Variants in PHC2 observed in about 807,000 individuals in gnomAD.
PHC2 encodes polyhomeotic-like protein 2.
Under a neutral mutation model 87.4 loss-of-function variants are expected in PHC2, and 29 were observed. The ratio of observed to expected loss-of-function variants is 0.33; its 90% CI spans 0.25 to 0.45. The LOEUF (loss-of-function observed/expected upper bound fraction) is 0.45, where lower values mean the gene tolerates loss of function less well. Among genes scored for constraint, PHC2 ranks in the 20% least tolerant of loss-of-function variants. PHC2 has a pLI of 1.00. For missense variants in PHC2, 857 were observed against 1,136.7 expected, an observed-to-expected ratio of 0.75 and a Z score of 3.54; for synonymous variants, 438 against 461.7, an observed-to-expected ratio of 0.95 and a Z score of 0.66.
intron 1 of PHC2, among the ~76,000 whole-genome samples, chr1:33,385,139 G>C (rs971847065): frequency 2.6e-5 from 4 of 152,164 alleles, no homozygotes; most frequent in Admixed American, 1.3e-4. Flanking sequence ...ATGGGTGTGG[G>C]ACTGTGGTCA....
At chr1:33,342,962 A>G (rs1646773413) in intron 9 of PHC2, among the ~76,000 whole-genome samples, 1 of 152,114 alleles carries the variant, frequency 6.6e-6, no homozygotes, top group African/African-American at 2.4e-5. Context: ...CCAGACCTGG[A>G]CTCATATTCT....
intron 1 of PHC2, among the ~76,000 whole-genome samples, chr1:33,428,059 G>A (rs779059364): frequency 6.6e-6 from 1 of 151,990 alleles, no homozygotes; most frequent in African/African-American, 2.4e-5. Context: ...TCTCAAAAAG[G>A]TACTAAATGA....
chr1:33,349,807 C>T lies in PHC2; in HGVS notation c.1558+4594G>A, dbSNP rs1454711865. On this transcript the variant is annotated intron_variant, in intron 9 of 14. Transcript: ENST00000683057. The surrounding 1 kb of genome is among the most constrained non-coding windows in gnomAD (Gnocchi z 4.2). ...CCGGGGCGCGAGGCCGGGACGGGGGCGCGAGGCCGGGGCGGGAGCGCGGGC... is the reference window on the plus strand; with the variant it reads ...CCGGGGCGCGAGGCCGGGACGGGGGTGCGAGGCCGGGGCGGGAGCGCGGGC... The T allele has an allele frequency of 1.0e-6, 1 of 977,264 alleles. No individual in the cohort carries two copies. The highest frequency in any genetic ancestry group is 1.2e-4 in the East Asian group (1 of 8,636). The allele number at this position is 977,264 out of a possible 1,614,324, so 60.5% of individuals were successfully genotyped here. A position where few individuals can be genotyped will look rare whatever the true frequency, so the allele number is the denominator to read the frequency against.
In PHC2 at chr1:33,331,952, T is replaced by A. The variant is rs1276867117; in HGVS notation, c.1891+323A>T. On this transcript the variant is annotated intron_variant, in intron 11 of 14. Coordinates refer to ENST00000683057, the MANE Select transcript of PHC2 (RefSeq NM_001385109.1). The surrounding 1 kb of genome is among the most constrained non-coding windows in gnomAD (Gnocchi z 5.2). ...TGCTGTGACCTAGAGCTGGCCCCAG[T>A]CTCAAGGCAGGGACGAAGGGCAGGA... 6.6e-6 allele frequency among the ~76,000 whole-genome samples: 1 copy of A among 152,124 alleles called. No homozygotes were observed. The highest frequency in any genetic ancestry group is 6.5e-5 in the Admixed American group (1 of 15,272).
intron 3 of PHC2, 101 bp from the exon 4 acceptor site, chr1:33,371,195 C>A: frequency 1.0e-6 from 1 of 957,208 alleles, no homozygotes; most frequent in Non-Finnish European, 1.7e-6. Context: ...GTGTTAAGGA[C>A]AACAGCCTCT....
Position 33,324,817 on chromosome 1 carries a change from T to C in PHC2, c.*48A>G, listed in dbSNP as rs369725555. ...CTCAGGAATGTCTGTCTGGCTCTGC[T>C]CAGTCGGGAGGAGGCGCCCTGGGCC... On this transcript the variant is annotated 3_prime_UTR_variant, in exon 15 of 15. Coordinates refer to ENST00000683057, the MANE Select transcript of PHC2 (RefSeq NM_001385109.1). The C allele has an allele frequency of 1.9e-6, 3 of 1,567,724 alleles. No individual in the cohort carries two copies. In the African/African-American group the frequency reaches 4.1e-5, roughly 21 times the overall value.
At chr1:33,384,591 T>C (rs1243816622) in intron 1 of PHC2, among the ~76,000 whole-genome samples, 1 of 152,214 alleles carries the variant, frequency 6.6e-6, no homozygotes, top group Non-Finnish European at 1.5e-5. Context: ...ATTAGTCATA[T>C]GCTGTCTCAC....
chr1:33,354,983 T>TTG lies in PHC2; in HGVS notation c.1245_1246dup (p.Lys416ThrfsTer115). On this transcript the variant is annotated frameshift_variant, in exon 8 of 15. Coordinates refer to ENST00000683057, the MANE Select transcript of PHC2 (RefSeq NM_001385109.1). LOFTEE classifies it high-confidence loss of function. ...GTGACACTGCTGACTGCCGCCAGGC[T>TTG]TGTGCAGGTTGGCAGTGGGACACTG... 17 of 1,614,176 alleles carry TTG rather than the reference T, an allele frequency of 1.1e-5. No individual in the cohort carries two copies. The highest frequency in any genetic ancestry group is 1.4e-5 in the Non-Finnish European group (17 of 1,180,038).
intron 1 of PHC2, among the ~76,000 whole-genome samples, chr1:33,395,359 AC>A (rs1311171640): frequency 6.6e-6 from 1 of 152,136 alleles, no homozygotes; most frequent in Admixed American, 6.6e-5. Context: ...AGGGATTTGT[AC>A]TATATCAATG....
rs74067010 is a variant in PHC2, at chr1:33,349,269, C to G, written c.1558+5132G>C. 1,833 of 985,216 alleles carry G rather than the reference C, an allele frequency of 1.9e-3. 25 individuals carry two copies. The African/African-American group carries it at 0.03, about 16-fold the overall frequency. The allele number at this position is 985,216 out of a possible 1,614,324, so 61.0% of individuals were successfully genotyped here. On this transcript the variant is annotated intron_variant, in intron 9 of 14. Transcript: ENST00000683057. This position sits in a 1 kb window ranked among gnomAD's most constrained non-coding sequence, Gnocchi z 4.2. ...CAGTCTCGTCCCCGAACGCACCGTC[C>G]GTCCCAGGGAAGTCGCAGCGGCGGG...
At chr1:33,347,482 T>C (rs1646865702) in intron 9 of PHC2, 1 of 983,004 alleles carries the variant, frequency 1.0e-6, no homozygotes, top group Non-Finnish European at 1.2e-6. Flanking sequence ...TGGGAGAGAG[T>C]GGAAAGGGCC....
intron 1 of PHC2, among the ~76,000 whole-genome samples, chr1:33,416,200 T>C (rs1007239331): frequency 6.6e-6 from 1 of 152,070 alleles, no homozygotes; most frequent in African/African-American, 2.4e-5. Flanking sequence ...ATAATAAAAC[T>C]GCTGAAGTGA....
chr1:33,423,473 C>T (rs995029589), intron 1 of PHC2, among the ~76,000 whole-genome samples: 6 of 152,122 alleles, frequency 3.9e-5, no homozygotes, highest in African/African-American at 1.4e-4. Flanking sequence ...TACACTGGTA[C>T]TATATCTAAA....
intron 7 of PHC2, among the ~76,000 whole-genome samples, chr1:33,362,640 G>T (rs984449508): frequency 6.6e-6 from 1 of 152,192 alleles, no homozygotes; most frequent in African/African-American, 2.4e-5. Flanking sequence ...AGAGGCAAGG[G>T]AAAAGGAAGG....
chr1:33,331,721 G>T lies in PHC2; in HGVS notation c.1892-259C>A. The T allele has an allele frequency of 2.5e-6, 1 of 407,384 alleles. No homozygotes were observed. The highest frequency in any genetic ancestry group is 2.0e-5 in the African/African-American group (1 of 49,592). 25.2% of individuals were successfully genotyped at this position (407,384 alleles called of 1,614,324 possible). On this transcript the variant is annotated intron_variant, in intron 11 of 14. Coordinates refer to ENST00000683057, the MANE Select transcript of PHC2 (RefSeq NM_001385109.1). The surrounding 1 kb of genome is among the most constrained non-coding windows in gnomAD (Gnocchi z 5.2). The stretch of plus-strand genomic sequence containing the variant: ...GAGTCTGAGGCAAAACACAGGTGGG[G>T]AAGAATCAGCATCAAATGACTGTGG...
rs141520255 is a variant in PHC2 at position 33,406,468 on chromosome 1, C to A, written c.-55+24508G>T. ...GCACTGTAGTTTACAATGGCACTTC[C>A]CCAGGTTATGACAACCAAAAATAAG... is the stretch of plus-strand genomic sequence containing the variant. On this transcript the variant is annotated intron_variant, in intron 1 of 14. Coordinates refer to ENST00000683057, the MANE Select transcript of PHC2 (RefSeq NM_001385109.1). Among the ~76,000 whole-genome samples the A allele has an allele frequency of 2.6e-5, 4 of 152,236 alleles. No homozygotes were observed. In the East Asian group the frequency reaches 7.7e-4, roughly 29 times the overall value.
chr1:33,334,368 ACT>A lies in PHC2; in HGVS notation c.1559-78_1559-77del. The A allele has an allele frequency of 7.4e-7, 1 of 1,357,646 alleles. No individual in the cohort carries two copies. The highest frequency in any genetic ancestry group is 1.0e-6 in the Non-Finnish European group (1 of 966,734). The allele number at this position is 1,357,646 out of a possible 1,614,324, so 84.1% of individuals were successfully genotyped here. On this transcript the variant is annotated intron_variant, in intron 9 of 14. Transcript: ENST00000683057. The surrounding 1 kb of genome is among the most constrained non-coding windows in gnomAD (Gnocchi z 5.5). Reference sequence around the variant, plus strand: ...CCACGCCCAGGGAGGGACAGCAAGGACTCAAACTGCGCCCGGCTTTTACCGTG... The same window carrying A: ...CCACGCCCAGGGAGGGACAGCAAGGACAAACTGCGCCCGGCTTTTACCGTG...
In PHC2 at chr1:33,347,257, A is replaced by C. The variant is rs542275453; in HGVS notation, c.1558+7144T>G. The C allele has an allele frequency of 1.3e-5, 13 of 985,366 alleles. No individual in the cohort carries two copies. In the South Asian group the frequency reaches 5.6e-4, roughly 43 times the overall value. 61.0% of individuals were successfully genotyped at this position (985,366 alleles called of 1,614,324 possible). ...AATGACAGAGCAGGTATGTCAGGGG[A>C]AGCAGCACAGTGCCTTCCTAAGAGG... On this transcript the variant is annotated intron_variant, in intron 9 of 14. Coordinates refer to ENST00000683057, the MANE Select transcript of PHC2 (RefSeq NM_001385109.1).
intron 7 of PHC2, among the ~76,000 whole-genome samples, chr1:33,360,366 C>T (rs564202861): frequency 7.2e-5 from 11 of 152,264 alleles, no homozygotes; most frequent in Non-Finnish European, 1.6e-4. Context: ...CTGCCCCTAC[C>T]CTGCCCTTGG....
Sources: allele counts gnomAD v4.1 joint callset (sites outside exome capture counted in the v4.1 genomes callset), GRCh38; gene constraint gnomAD v4.1.1; non-coding constraint Gnocchi (gnomAD v3.1); transcripts MANE v1.5; gene names NCBI Gene and HGNC (gene_info 2026-07-23, HGNC 2026-07-21).